Variants in ARHGEF17 observed in about 807,000 individuals in gnomAD.
The protein encoded by ARHGEF17 is Rho guanine nucleotide exchange factor 17, also known as 164 kDa Rho-specific guanine-nucleotide exchange factor.
In ARHGEF17, 80 loss-of-function variants were observed where a neutral mutation model predicts 174.0. The observed-to-expected ratio is 0.46, with a 90% confidence interval of 0.38 to 0.55. ARHGEF17 has a LOEUF of 0.55. Ranked by LOEUF, ARHGEF17 falls within the 20% of genes least tolerant of loss-of-function variation. The pLI is 0.00. For missense variants in ARHGEF17, 2,886 were observed against 2,839.7 expected (o/e 1.02, Z -0.37); for synonymous variants, 1,311 against 1,189.1 (o/e 1.10, Z -2.11).
chr11:73,337,745 C>G (rs1426631029), intron 1 of ARHGEF17, among the ~76,000 whole-genome samples: 1 of 152,124 alleles, frequency 6.6e-6, no homozygotes, highest in African/African-American at 2.4e-5. Flanking sequence ...TGAAGTGACC[C>G]CTTCACTTTC....
At position 73,355,394 on chromosome 11, in the gene ARHGEF17, A is replaced by G. The variant is rs1490337881; in HGVS notation, c.3454-139A>G. ...ACGACCACACTTAGAGCCACAGGACATGTGCCTGATCCCTTAGAGATTGTA... is the reference window on the plus strand; with the variant it reads ...ACGACCACACTTAGAGCCACAGGACGTGTGCCTGATCCCTTAGAGATTGTA... On this transcript the variant is annotated intron_variant, in intron 3 of 20. Coordinates refer to ENST00000263674, the MANE Select transcript of ARHGEF17 (RefSeq NM_014786.4). The G allele has an allele frequency of 1.5e-5, 10 of 646,556 alleles. No individual in the cohort carries two copies. The Admixed American group carries it at 1.6e-4, about 10-fold the overall frequency. 40.1% of individuals were successfully genotyped at this position (646,556 alleles called of 1,614,324 possible).
At chr11:73,315,898 C>G (rs1864921102) in intron 1 of ARHGEF17, among the ~76,000 whole-genome samples, 1 of 152,200 alleles carries the variant, frequency 6.6e-6, no homozygotes, top group African/African-American at 2.4e-5. Context: ...CCCCAGCCCC[C>G]TCTCCCCGTG....
chr11:73,327,988 T>C (rs1171168664), intron 1 of ARHGEF17, among the ~76,000 whole-genome samples: 2 of 152,160 alleles, frequency 1.3e-5, no homozygotes, highest in African/African-American at 4.8e-5. Flanking sequence ...GGGATGATGA[T>C]GATGGCACCT....
chr11:73,346,723 G>T (rs1258091811), intron 1 of ARHGEF17, among the ~76,000 whole-genome samples, 160 bp from the exon 2 acceptor site: 1 of 152,098 alleles, frequency 6.6e-6, no homozygotes, highest in African/African-American at 2.4e-5. Flanking sequence ...GGAGGGCCTG[G>T]GGGCCTCGGG....
rs909611676 is a variant in ARHGEF17, at chr11:73,356,932, C to T, written c.3892-93C>T. 2.0e-6 allele frequency: 3 copies of T among 1,502,542 alleles called. No individual in the cohort carries two copies. The African/African-American group carries it at 4.1e-5, about 21-fold the overall frequency. The allele number at this position is 1,502,542 out of a possible 1,614,324, so 93.1% of individuals were successfully genotyped here. ...AAGCTGGGGAAGAGCCCTCACTCTCCCTGGGTCTCAGTGTCCCCTTGGGCA... is the reference window on the plus strand; with the variant it reads ...AAGCTGGGGAAGAGCCCTCACTCTCTCTGGGTCTCAGTGTCCCCTTGGGCA... On this transcript the variant is annotated intron_variant, in intron 7 of 20. Coordinates refer to ENST00000263674, the MANE Select transcript of ARHGEF17 (RefSeq NM_014786.4).
At chr11:73,328,235 G>A (rs1395303561) in intron 1 of ARHGEF17, among the ~76,000 whole-genome samples, 1 of 152,204 alleles carries the variant, frequency 6.6e-6, no homozygotes, top group Non-Finnish European at 1.5e-5. Flanking sequence ...GAGGCTTGGA[G>A]TTCCCCACGG....
intron 1 of ARHGEF17, among the ~76,000 whole-genome samples, chr11:73,327,650 G>C (rs1362248180): frequency 1.3e-5 from 2 of 152,220 alleles, no homozygotes; most frequent in African/African-American, 4.8e-5. Flanking sequence ...CATGTGCAAA[G>C]GGCCCAGGGT....
chr11:73,341,849 G>A (rs1287999954), intron 1 of ARHGEF17, among the ~76,000 whole-genome samples: 1 of 152,222 alleles, frequency 6.6e-6, no homozygotes, highest in Non-Finnish European at 1.5e-5. Flanking sequence ...GGAGTCAGCT[G>A]GGGGCTTGGT....
chr11:73,367,324 GAAAA>G (rs969258744), intron 20 of ARHGEF17, among the ~76,000 whole-genome samples: 19 of 152,096 alleles, frequency 1.2e-4, no homozygotes, highest in African/African-American at 4.6e-4. Flanking sequence ...ATTGTAAAAA[GAAAA>G]AAATCAGAAG....
intron 1 of ARHGEF17, among the ~76,000 whole-genome samples, chr11:73,330,691 G>A (rs1865190358): frequency 6.6e-6 from 1 of 152,338 alleles, no homozygotes; most frequent in South Asian, 2.1e-4. Context: ...GTGACTTTGG[G>A]CAAGCCCCAT....
At chr11:73,321,978 G>A (rs1053756856) in intron 1 of ARHGEF17, among the ~76,000 whole-genome samples, 1 of 152,194 alleles carries the variant, frequency 6.6e-6, no homozygotes. Flanking sequence ...GGAGCAGGAA[G>A]CGGGGAGGCA....
rs763949744 is a variant in ARHGEF17, at chr11:73,363,463, CAG to C, written c.5246+9_5246+10del. 3.7e-6 allele frequency: 6 copies of C among 1,609,288 alleles called. No homozygotes were observed. The highest frequency in any genetic ancestry group is 2.2e-5 in the South Asian group (2 of 90,742). On this transcript the variant is annotated intron_variant, in intron 15 of 20. Coordinates refer to ENST00000263674, the MANE Select transcript of ARHGEF17 (RefSeq NM_014786.4). ...GGGCACTGAGGATGGCTGGTAGGGA[CAG>C]GGGAGGGACTAGGGACACAGTGCCA...
chr11:73,343,572 C>T lies in ARHGEF17; in HGVS notation c.3193-3311C>T, dbSNP rs575308986. 1.7e-4 allele frequency among the ~76,000 whole-genome samples: 26 copies of T among 152,280 alleles called. 1 individual carries two copies. The highest frequency in any genetic ancestry group is 6.8e-3 in the Middle Eastern group (2 of 294). On this transcript the variant is annotated intron_variant, in intron 1 of 20. Coordinates refer to ENST00000263674, the MANE Select transcript of ARHGEF17 (RefSeq NM_014786.4). ...ACAGGCTCAGGAAGGAGAGGTTTTCCCAGCCCTCCTCTTAGGCTTGAGGTG... is the reference window on the plus strand; with the variant it reads ...ACAGGCTCAGGAAGGAGAGGTTTTCTCAGCCCTCCTCTTAGGCTTGAGGTG...
intron 2 of ARHGEF17, among the ~76,000 whole-genome samples, chr11:73,348,660 A>G (rs1865503560): frequency 6.6e-6 from 1 of 152,186 alleles, no homozygotes; most frequent in Admixed American, 6.5e-5. Flanking sequence ...ATGGGTGTAC[A>G]GGGTTGCAGT....
In ARHGEF17 at chr11:73,311,367, C is replaced by T; in HGVS notation, c.2729C>T (p.Ala910Val). The change falls in exon 1 of 21, where the codon GCT becomes GTT. Residue 910 changes from alanine to valine, a missense_variant. Ala to Val is a moderately conservative substitution (Grantham distance 64). Coordinates refer to ENST00000263674, the MANE Select transcript of ARHGEF17 (RefSeq NM_014786.4). ...AACTTTCACCTTGACCCCAAGCTGG[C>T]TGACATTCTGTCCCCGAGGCTAATC... ...HRNFHLDPKL[A>V]DILSPRLIRR... 1 of 1,613,352 alleles carries T rather than the reference C, an allele frequency of 6.2e-7. No individual in the cohort carries two copies. The highest frequency in any genetic ancestry group is 1.1e-5 in the South Asian group (1 of 91,088).
At chr11:73,337,192 G>A (rs548072961) in intron 1 of ARHGEF17, among the ~76,000 whole-genome samples, 84 of 152,264 alleles carry the variant, frequency 5.5e-4, no homozygotes, top group African/African-American at 1.9e-3. Flanking sequence ...TTGGGAGGCC[G>A]AGGCAGGAAG....
chr11:73,321,870 T>C (rs1865022416), intron 1 of ARHGEF17, among the ~76,000 whole-genome samples: 1 of 152,162 alleles, frequency 6.6e-6, no homozygotes, highest in Admixed American at 6.5e-5. Flanking sequence ...GGCAGTGTGA[T>C]GGAGGGGCCA....
rs1865873707 is a variant in ARHGEF17 at position 73,368,140 on chromosome 11, G to A, written c.*360G>A. The A allele has an allele frequency of 4.5e-6, 1 of 224,002 alleles. No homozygotes were observed. The highest frequency in any genetic ancestry group is 8.8e-6 in the Non-Finnish European group (1 of 113,082). 13.9% of individuals were successfully genotyped at this position (224,002 alleles called of 1,614,324 possible). ...TGGAGGGTTTTCTGGAGGGCAGCAG[G>A]AAGGCTGGGGAATTCCCCATGTACA... On this transcript the variant is annotated 3_prime_UTR_variant, in exon 21 of 21. Coordinates refer to ENST00000263674, the MANE Select transcript of ARHGEF17 (RefSeq NM_014786.4).
At chr11:73,344,978 G>A (rs547648017) in intron 1 of ARHGEF17, among the ~76,000 whole-genome samples, 2 of 152,324 alleles carry the variant, frequency 1.3e-5, no homozygotes, top group Non-Finnish European at 1.5e-5. Flanking sequence ...AGTGGAAATG[G>A]CAACACCTGT....
Sources: gnomAD v4.1 joint callset for allele counts (sites outside exome capture counted in the v4.1 genomes callset) on GRCh38, gnomAD v4.1.1 for gene constraint, MANE v1.5 for transcripts, NCBI Gene and HGNC (gene_info 2026-07-23, HGNC 2026-07-21) for gene names.